Variants in CSMD1 observed in about 807,000 individuals in gnomAD.
The protein encoded by CSMD1 is CUB and Sushi multiple domains 1.
A neutral mutation model predicts 417.5 loss-of-function variants in CSMD1; 213 were observed. The ratio of observed to expected loss-of-function variants is 0.51; its 90% CI spans 0.46 to 0.57. The LOEUF (loss-of-function observed/expected upper bound fraction) is 0.57, where lower values mean the gene tolerates loss of function less well. Among genes scored for constraint, CSMD1 ranks in the 20% least tolerant of loss-of-function variants. The probability of loss-of-function intolerance (pLI) is 0.00; values close to 1 mark genes in which losing one functional copy is unlikely to be tolerated. For missense variants in CSMD1, 6,923 were observed against 4,529.7 expected (o/e 1.53, Z -15.17); for synonymous variants, 2,862 against 1,736.8 (o/e 1.65, Z -16.11).
At chr8:4,850,382 C>CTTTTTTTAAAAAAATTTTTTTT in intron 1 of CSMD1, among the ~76,000 whole-genome samples, 1 of 77,826 alleles carries the variant, frequency 1.3e-5, no homozygotes, top group Non-Finnish European at 2.3e-5. Flanking sequence ...TCCAATTTAT[C>CTTTTTTTAAAAAAATTTTTTTT]TTTTTTTTTT....
At chr8:3,448,327 G>A (rs1399566469) in intron 12 of CSMD1, among the ~76,000 whole-genome samples, 1 of 33,548 alleles carries the variant, frequency 3.0e-5, no homozygotes, top group African/African-American at 1.3e-4. Flanking sequence ...AAGGAAGGGA[G>A]CAAGGGAGGG....
chr8:3,669,896 C>G (rs1039921317), intron 7 of CSMD1, among the ~76,000 whole-genome samples: 3 of 152,140 alleles, frequency 2.0e-5, no homozygotes, highest in African/African-American at 7.2e-5. Context: ...CTTCCTTCTT[C>G]TTTCTTAACA....
intron 1 of CSMD1, among the ~76,000 whole-genome samples, chr8:4,791,081 G>A (rs1027948118): frequency 2.6e-5 from 4 of 152,108 alleles, no homozygotes; most frequent in East Asian, 3.9e-4. Flanking sequence ...TGAGAGAGAC[G>A]GTGAGAGAGA....
chr8:3,833,261 G>A (rs932369196), intron 5 of CSMD1, among the ~76,000 whole-genome samples: 1 of 151,912 alleles, frequency 6.6e-6, no homozygotes, highest in East Asian at 1.9e-4. Flanking sequence ...GATAATATCT[G>A]CATTTTGTCA....
intron 3 of CSMD1, among the ~76,000 whole-genome samples, chr8:4,141,508 G>T (rs569575843): frequency 1.3e-4 from 19 of 151,080 alleles, no homozygotes; most frequent in Non-Finnish European, 2.6e-4. Context: ...AATCCTGAGA[G>T]TTATTCGCTA....
At chr8:4,809,937 A>C (rs530212200) in intron 1 of CSMD1, among the ~76,000 whole-genome samples, 24 of 152,330 alleles carry the variant, frequency 1.6e-4, no homozygotes, top group Admixed American at 1.3e-3. Context: ...AACCTAAATC[A>C]GTTTCTTCAC....
chr8:3,963,828 T>C (rs959679758), intron 5 of CSMD1, among the ~76,000 whole-genome samples: 1 of 152,186 alleles, frequency 6.6e-6, no homozygotes, highest in South Asian at 2.1e-4. Context: ...CAACATCAAA[T>C]GTAAATATAA....
chr8:4,777,872 C>G (rs1337288698), intron 1 of CSMD1, among the ~76,000 whole-genome samples: 1 of 152,226 alleles, frequency 6.6e-6, no homozygotes, highest in Non-Finnish European at 1.5e-5. Context: ...ACTTCTGACA[C>G]ACTGAAATAA....
chr8:3,106,946 A>G, intron 45 of CSMD1: 1 of 240,780 alleles, frequency 4.2e-6, no homozygotes, highest in Non-Finnish European at 8.0e-6. Flanking sequence ...AAAAAAGTAA[A>G]GTAGAAGCTA....
At chr8:4,857,616 A>G (rs1458195180) in intron 1 of CSMD1, among the ~76,000 whole-genome samples, 2 of 152,126 alleles carry the variant, frequency 1.3e-5, no homozygotes, top group Non-Finnish European at 2.9e-5. Flanking sequence ...CAAACTACCA[A>G]CAGGGAATAC....
intron 1 of CSMD1, among the ~76,000 whole-genome samples, chr8:4,915,487 T>A (rs1440684925): frequency 6.6e-6 from 1 of 152,206 alleles, no homozygotes; most frequent in Non-Finnish European, 1.5e-5. Flanking sequence ...CCAACATATA[T>A]TTATTTTTCT....
intron 7 of CSMD1, among the ~76,000 whole-genome samples, chr8:3,684,950 G>A (rs1220516241): frequency 6.6e-6 from 1 of 152,066 alleles, no homozygotes; most frequent in Non-Finnish European, 1.5e-5. Flanking sequence ...CAATTAAACT[G>A]CCTTTGGAAT....
chr8:3,351,586 G>A (rs1339770296), intron 21 of CSMD1, among the ~76,000 whole-genome samples: 2 of 135,524 alleles, frequency 1.5e-5, no homozygotes, highest in Non-Finnish European at 3.1e-5. Context: ...GACACAGTGT[G>A]AGACTCTGTT....
Position 4,994,341 on chromosome 8 carries a change from C to T in CSMD1, c.76G>A (p.Ala26Thr). 6.2e-7 allele frequency: 1 copy of T among 1,610,728 alleles called. No individual in the cohort carries two copies. Among genetic ancestry groups the T allele is most frequent in the South Asian group, 1.1e-5 (1 of 91,080 alleles). ...AGCAAGTCCGTCTTACCCTTCGCTGCAGTGAGGAGCCTCGCGCACAGCACC... is the reference window on the plus strand; with the variant it reads ...AGCAAGTCCGTCTTACCCTTCGCTGTAGTGAGGAGCCTCGCGCACAGCACC... ...LLVLCARLLT[A>T]AKGQNCGGLV... is the part of the protein sequence containing the mutation. Residue 26 changes from alanine to threonine, a missense_variant, in exon 1 of 70, where the codon GCA (alanine) becomes ACA (threonine). Physicochemically the swap from Ala to Thr is moderately conservative, Grantham distance 58. Coordinates refer to ENST00000635120, the MANE Select transcript of CSMD1 (RefSeq NM_033225.6).
chr8:3,744,199 G>C (rs1219235301), intron 6 of CSMD1, among the ~76,000 whole-genome samples: 1 of 152,206 alleles, frequency 6.6e-6, no homozygotes, highest in Non-Finnish European at 1.5e-5. Context: ...GGGAGTTGAG[G>C]ACAGGGATGA....
At chr8:3,320,365 T>C (rs904131300) in intron 23 of CSMD1, among the ~76,000 whole-genome samples, 22 of 152,174 alleles carry the variant, frequency 1.4e-4, no homozygotes, top group African/African-American at 5.1e-4. Context: ...GCACTGCTTA[T>C]TGCTTGGCTC....
At chr8:3,814,800 G>C (rs1337583461) in intron 5 of CSMD1, among the ~76,000 whole-genome samples, 2 of 152,048 alleles carry the variant, frequency 1.3e-5, no homozygotes, top group African/African-American at 4.8e-5. Flanking sequence ...ATTCGTCACG[G>C]TGTGATTATT....
chr8:3,107,839 A>T (rs1050333999), intron 44 of CSMD1, 41 bp from the exon 45 acceptor site: 14 of 1,269,446 alleles, frequency 1.1e-5, no homozygotes, highest in Non-Finnish European at 1.6e-5. Context: ...TTGCAATTAC[A>T]CTTGCTGAAT....
chr8:4,346,842 GC>G (rs1285589912), intron 3 of CSMD1, among the ~76,000 whole-genome samples: 4 of 152,142 alleles, frequency 2.6e-5, no homozygotes, highest in African/African-American at 9.7e-5. Flanking sequence ...GAGACTGAGG[GC>G]CTGAGGCCAT....
Sources: allele counts gnomAD v4.1 joint callset (sites outside exome capture counted in the v4.1 genomes callset), GRCh38; gene constraint gnomAD v4.1.1; transcripts MANE v1.5; gene names NCBI Gene and HGNC (gene_info 2026-07-23, HGNC 2026-07-21).